HAO2: variants seen among roughly 807,000 people sequenced by gnomAD.
The protein encoded by HAO2 is hydroxyacid oxidase 2.
A neutral mutation model predicts 37.4 loss-of-function variants in HAO2; 42 were observed. The ratio of observed to expected loss-of-function variants is 1.12; its 90% CI spans 0.88 to 1.45. The LOEUF (loss-of-function observed/expected upper bound fraction) is 1.45, where lower values mean the gene tolerates loss of function less well. Among genes scored for constraint, HAO2 ranks in the 40% most tolerant of loss-of-function variants. The pLI, the probability that HAO2 is intolerant of heterozygous loss-of-function variation, is 0.00. For missense variants in HAO2, 476 were observed against 430.2 expected (o/e 1.11, Z -0.94); for synonymous variants, 180 against 162.8 (o/e 1.11, Z -0.81).
intron 1 of HAO2, chr1:119,370,250 C>T (rs1047088027): frequency 4.6e-5 from 7 of 152,200 alleles, no homozygotes; most frequent in African/African-American, 1.4e-4. Flanking sequence ...TAAGCAACAG[C>T]GAAATGTTAA....
intron 5 of HAO2, among the ~76,000 whole-genome samples, chr1:119,387,180 T>C (rs963335491): frequency 1.3e-5 from 2 of 152,228 alleles, no homozygotes; most frequent in African/African-American, 2.4e-5. Context: ...TGAATTTGAT[T>C]AGACAGATGT....
chr1:119,378,187 A>G (rs1649632448), intron 1 of HAO2, among the ~76,000 whole-genome samples: 1 of 152,202 alleles, frequency 6.6e-6, no homozygotes, highest in Non-Finnish European at 1.5e-5. Flanking sequence ...ACCAGAACAC[A>G]TGAGTCCAGA....
At chr1:119,384,683 C>A in intron 3 of HAO2, 93 bp from the exon 4 acceptor site, 2 of 969,330 alleles carry the variant, frequency 2.1e-6, no homozygotes, top group Non-Finnish European at 3.1e-6. Context: ...ATTCATGGGG[C>A]AAGATGGCCA....
chr1:119,371,923 T>A (rs1244051759), intron 1 of HAO2, among the ~76,000 whole-genome samples: 1 of 152,196 alleles, frequency 6.6e-6, no homozygotes, highest in Non-Finnish European at 1.5e-5. Flanking sequence ...AAACACTATA[T>A]AAACATTTGG....
chr1:119,382,439 C>G (rs1650028404), intron 2 of HAO2, among the ~76,000 whole-genome samples: 1 of 152,180 alleles, frequency 6.6e-6, no homozygotes, highest in African/African-American at 2.4e-5. Flanking sequence ...TCACAAAAGC[C>G]TCAATCACTC....
At chr1:119,375,277 T>C (rs1254380224) in intron 1 of HAO2, among the ~76,000 whole-genome samples, 8 of 152,246 alleles carry the variant, frequency 5.3e-5, no homozygotes, top group South Asian at 2.1e-4. Context: ...AGGGATCAAA[T>C]TGAAAGAAAG....
In HAO2 at chr1:119,386,550, T is replaced by C. The variant is rs1650393705; in HGVS notation, c.562-72T>C. 6.5e-6 allele frequency: 6 copies of C among 919,674 alleles called. No individual in the cohort carries two copies. The Admixed American group carries it at 1.0e-4, about 16-fold the overall frequency. The allele number at this position is 919,674 out of a possible 1,614,324, so 57.0% of individuals were successfully genotyped here. On this transcript the variant is annotated intron_variant, in intron 4 of 7. Transcript: ENST00000325945. ...TTTATAAATGGCAGCTCTCTAAATG[T>C]GTCTCATCTTTGGAATGCATCAAGT...
intron 1 of HAO2, among the ~76,000 whole-genome samples, chr1:119,372,628 G>C (rs587631862): frequency 2.0e-5 from 3 of 152,270 alleles, no homozygotes; most frequent in Admixed American, 1.3e-4. Context: ...AAAAACAGCT[G>C]GTGTGACAGG....
intron 1 of HAO2, among the ~76,000 whole-genome samples, chr1:119,371,201 G>A (rs6667203): frequency 0.2 from 31,080 of 152,100 alleles, 3,360 homozygotes; most frequent in East Asian, 0.3. Flanking sequence ...AAACAAGTCA[G>A]AAGGATTCCA....
At chr1:119,388,442 C>A (rs142344406) in intron 5 of HAO2, among the ~76,000 whole-genome samples, 1 of 152,328 alleles carries the variant, frequency 6.6e-6, no homozygotes, top group African/African-American at 2.4e-5. Flanking sequence ...TGCTTCCCCA[C>A]TAGAGAATGA....
intron 5 of HAO2, among the ~76,000 whole-genome samples, chr1:119,389,555 T>C (rs1650704827): frequency 6.6e-6 from 1 of 152,166 alleles, no homozygotes; most frequent in South Asian, 2.1e-4. Flanking sequence ...TGAGCACTTT[T>C]TCATATGTTT....
At position 119,392,223 on chromosome 1, in the gene HAO2, G is replaced by C; in HGVS notation, c.885G>C (p.Lys295Asn). ...DVLKALALGA[K>N]CIFLGRPILW... ...TGAAGGCTCTGGCCCTTGGAGCTAA[G>C]TGCATTTTTCTTGGGAGACCAATCC... Residue 295 changes from lysine (K) to asparagine (N), a missense_variant, in exon 6 of 8, where the codon AAG (lysine) becomes AAC (asparagine). Coordinates refer to ENST00000325945, the MANE Select transcript of HAO2 (RefSeq NM_016527.4). 3 of 1,613,536 alleles carry C rather than the reference G, an allele frequency of 1.9e-6. No homozygotes were observed. The highest frequency in any genetic ancestry group is 2.5e-6 in the Non-Finnish European group (3 of 1,179,616).
At chr1:119,380,572 A>G (rs1279723066) in intron 1 of HAO2, 10 of 686,820 alleles carry the variant, frequency 1.5e-5, no homozygotes, top group Non-Finnish European at 2.3e-5. Context: ...CCAAGAAATG[A>G]AGCTGGTGAG....
chr1:119,383,936 A>G (rs896107217), intron 3 of HAO2, among the ~76,000 whole-genome samples: 3 of 152,228 alleles, frequency 2.0e-5, no homozygotes, highest in African/African-American at 7.2e-5. Flanking sequence ...TTACTAAGTC[A>G]TCATGGTTGA....
chr1:119,378,753 A>G (rs1490633763), intron 1 of HAO2, among the ~76,000 whole-genome samples: 2 of 152,306 alleles, frequency 1.3e-5, no homozygotes, highest in Middle Eastern at 3.4e-3. Flanking sequence ...AATTGTGTAG[A>G]ACAGCCTTTC....
intron 2 of HAO2, among the ~76,000 whole-genome samples, chr1:119,382,186 C>A (rs987211321): frequency 6.6e-6 from 1 of 152,086 alleles, no homozygotes; most frequent in Non-Finnish European, 1.5e-5. Flanking sequence ...GATTATTATT[C>A]CTATTTCAGA....
At chr1:119,377,888 G>A (rs1251755467) in intron 1 of HAO2, among the ~76,000 whole-genome samples, 1 of 152,152 alleles carries the variant, frequency 6.6e-6, no homozygotes, top group African/African-American at 2.4e-5. Flanking sequence ...CCAACATGGT[G>A]AAACCCCGTT....
rs587605323 is a variant in HAO2 at position 119,369,559 on chromosome 1, G to A, written c.-9+657G>A. Among the ~76,000 whole-genome samples the A allele has an allele frequency of 1.4e-4, 21 of 152,130 alleles. 1 individual carries two copies. The highest frequency in any genetic ancestry group is 4.3e-4 in the African/African-American group (18 of 41,442). On this transcript the variant is annotated intron_variant, in intron 1 of 7. Coordinates refer to ENST00000325945, the MANE Select transcript of HAO2 (RefSeq NM_016527.4). ...CGTCCATTAGCAGGAAGCAAAATCC[G>A]CAAACTTTTATTCTTAACTACTACT...
chr1:119,384,801 C>G lies in HAO2; in HGVS notation c.309C>G (p.Tyr103Ter). The G allele has an allele frequency of 6.2e-7, 1 of 1,613,876 alleles. No individual in the cohort carries two copies. The highest frequency in any genetic ancestry group is 8.5e-7 in the Non-Finnish European group (1 of 1,179,838). The change falls in exon 4 of 8, where the codon TAC becomes TAG. Residue 103 changes from tyrosine (Y) to a stop codon, truncating the protein, a stop_gained. Transcript: ENST00000325945. LOFTEE classifies it high-confidence loss of function. ...CTGCCCAAGCGGCTGGTATCTGCTA[C>G]ATCACCAGCACATTTGCCAGCTGTA... ...ARAAQAAGIC[Y>*]ITSTFASCSL...
Sources: allele counts gnomAD v4.1 joint callset (sites outside exome capture counted in the v4.1 genomes callset), GRCh38; gene constraint gnomAD v4.1.1; transcripts MANE v1.5; gene names NCBI Gene and HGNC (gene_info 2026-07-23, HGNC 2026-07-21).